Variants in RSBN1L observed in about 807,000 individuals in gnomAD.
The protein encoded by RSBN1L is round spermatid basic protein 1 like, also known as lysine-specific demethylase RSBN1L.
RSBN1L carries 30 observed loss-of-function variants against 67.7 expected under a neutral mutation model. That is an observed-to-expected ratio of 0.44 (90% CI 0.33 to 0.60). The LOEUF is 0.60. Ranked by LOEUF, RSBN1L falls within the 20% of genes least tolerant of loss-of-function variation. The probability of loss-of-function intolerance (pLI) is 0.02; values close to 1 mark genes in which losing one functional copy is unlikely to be tolerated. For missense variants in RSBN1L, 992 were observed against 1,031.7 expected (o/e 0.96, Z 0.53); for synonymous variants, 433 against 387.0 (o/e 1.12, Z -1.39).
intron 2 of RSBN1L, among the ~76,000 whole-genome samples, chr7:77,740,234 A>T (rs1401798207): frequency 6.6e-6 from 1 of 152,230 alleles, no homozygotes; most frequent in Admixed American, 6.5e-5. Context: ...CTTATTTTAT[A>T]CTAAAGTTCA....
In RSBN1L at chr7:77,706,625, G is replaced by T. The variant is rs114607588; in HGVS notation, c.586+9570G>T. 3.8e-3 allele frequency among the ~76,000 whole-genome samples: 581 copies of T among 152,294 alleles called. 2 individuals are homozygous for T. Among genetic ancestry groups the T allele is most frequent in the African/African-American group, 0.013 (557 of 41,556 alleles). On this transcript the variant is annotated intron_variant, in intron 1 of 7. Coordinates refer to ENST00000334955, the MANE Select transcript of RSBN1L (RefSeq NM_198467.3). ...ATTATTCTGGGGGGTGGGAAATTCA[G>T]TATAAATTGCTCCTCCTATGTCTAG... is the stretch of plus-strand genomic sequence containing the variant.
chr7:77,744,329 C>T (rs563514821), intron 2 of RSBN1L, among the ~76,000 whole-genome samples: 1 of 152,262 alleles, frequency 6.6e-6, no homozygotes, highest in Non-Finnish European at 1.5e-5. Context: ...AGCCACCATG[C>T]CTGGCCTACT....
At chr7:77,739,693 A>C (rs1791382028) in intron 2 of RSBN1L, among the ~76,000 whole-genome samples, 1 of 108,850 alleles carries the variant, frequency 9.2e-6, no homozygotes. Context: ...TGGGTGACAG[A>C]GCAAGACTTG....
chr7:77,771,492 G>A (rs1269149775), intron 5 of RSBN1L, among the ~76,000 whole-genome samples: 1 of 148,310 alleles, frequency 6.7e-6, no homozygotes, highest in East Asian at 2.0e-4. Flanking sequence ...TGGTAAAATT[G>A]ATGTGTTCCT....
chr7:77,705,806 A>G (rs1271898137), intron 1 of RSBN1L, among the ~76,000 whole-genome samples: 1 of 151,928 alleles, frequency 6.6e-6, no homozygotes, highest in Non-Finnish European at 1.5e-5. Flanking sequence ...CTGGCCTGTA[A>G]TGGTTCATTT....
intron 1 of RSBN1L, among the ~76,000 whole-genome samples, chr7:77,712,834 T>A (rs1329856040): frequency 6.6e-6 from 1 of 152,196 alleles, no homozygotes; most frequent in Non-Finnish European, 1.5e-5. Context: ...TGTAGGCGTT[T>A]ATTCACTTAA....
chr7:77,702,761 T>A (rs943871834), intron 1 of RSBN1L, among the ~76,000 whole-genome samples: 1 of 152,222 alleles, frequency 6.6e-6, no homozygotes, highest in African/African-American at 2.4e-5. Context: ...CATGCCATCA[T>A]GGCCAGGTTC....
Position 77,696,496 on chromosome 7 carries a change from C to A in RSBN1L, c.27C>A (p.His9Gln), listed in dbSNP as rs376400062. Residue 9 changes from histidine (H) to glutamine (Q), a missense_variant, in exon 1 of 8, where the codon CAC (histidine) becomes CAA (glutamine). His to Gln is a conservative substitution (Grantham distance 24). Coordinates refer to ENST00000334955, the MANE Select transcript of RSBN1L (RefSeq NM_198467.3). MAEPPSPVHCVAAAAPTAT... is the reference protein window; with the variant it reads MAEPPSPVQCVAAAAPTAT... ...TGGCGGAACCGCCGAGCCCCGTGCA[C>A]TGTGTCGCTGCCGCGGCCCCCACCG... The A allele has an allele frequency of 3.7e-6, 6 of 1,613,154 alleles. No homozygotes were observed. Among genetic ancestry groups the A allele is most frequent in the Non-Finnish European group, 4.2e-6 (5 of 1,179,672 alleles).
In RSBN1L at chr7:77,765,848, C is replaced by T. The variant is rs556175697; in HGVS notation, c.1482+216C>T. ...ATAATTCTTGTGTAGTGTGTACATG[C>T]GACATCTCAGGTTCTAATTGTAATG... is the stretch of plus-strand genomic sequence containing the variant. On this transcript the variant is annotated intron_variant, in intron 4 of 7. Coordinates refer to ENST00000334955, the MANE Select transcript of RSBN1L (RefSeq NM_198467.3). Among the ~76,000 whole-genome samples, 27 of 152,194 alleles carry T rather than the reference C, an allele frequency of 1.8e-4. No individual in the cohort carries two copies. In the South Asian group the frequency reaches 5.0e-3, roughly 28 times the overall value.
chr7:77,757,498 AG>A (rs1292223829), intron 3 of RSBN1L, among the ~76,000 whole-genome samples: 4 of 152,246 alleles, frequency 2.6e-5, no homozygotes, highest in Admixed American at 6.5e-5. Context: ...CTTTTCCCAA[AG>A]TTTGTAACCT....
At chr7:77,716,317 GTTTTGTTTTTGT>G (rs892698747) in intron 1 of RSBN1L, among the ~76,000 whole-genome samples, 1 of 151,684 alleles carries the variant, frequency 6.6e-6, no homozygotes, top group African/African-American at 2.4e-5. Flanking sequence ...TTTTTGTTTT[GTTTTGTTTTTGT>G]TTTTGTTTTT....
At chr7:77,705,492 G>A (rs2150411879) in intron 1 of RSBN1L, among the ~76,000 whole-genome samples, 1 of 148,788 alleles carries the variant, frequency 6.7e-6, no homozygotes, top group Non-Finnish European at 1.5e-5. Flanking sequence ...GTGACCACTA[G>A]GTCTCTCCAT....
intron 3 of RSBN1L, among the ~76,000 whole-genome samples, chr7:77,758,324 C>T (rs1046083432): frequency 2.0e-5 from 3 of 151,948 alleles, no homozygotes; most frequent in Non-Finnish European, 4.4e-5. Context: ...CCAAAGTGCT[C>T]GGCCTATTTA....
rs1791984496 is a variant in RSBN1L at position 77,780,421 on chromosome 7, T to C, written c.*1253T>C. On this transcript the variant is annotated 3_prime_UTR_variant, in exon 8 of 8. Transcript: ENST00000334955. ...TCTAACTAATAGTTACGTGGCCAGA[T>C]TACATAGCCTACCATAGATTTTTTT... 1 of 152,148 alleles carries C rather than the reference T, an allele frequency of 6.6e-6. No individual in the cohort carries two copies. The highest frequency in any genetic ancestry group is 2.1e-4 in the South Asian group (1 of 4,824). The allele number at this position is 152,148 out of a possible 1,614,324, so 9.4% of individuals were successfully genotyped here.
intron 1 of RSBN1L, among the ~76,000 whole-genome samples, chr7:77,702,957 A>G (rs1345449038): frequency 1.3e-5 from 2 of 152,156 alleles, no homozygotes; most frequent in Non-Finnish European, 2.9e-5. Context: ...TTATTTTCAG[A>G]TACAGTCACA....
At chr7:77,742,250 A>G (rs560625894) in intron 2 of RSBN1L, among the ~76,000 whole-genome samples, 56 of 151,986 alleles carry the variant, frequency 3.7e-4, no homozygotes, top group Non-Finnish European at 6.5e-4. Flanking sequence ...AAATATACAG[A>G]CACACAGTGA....
Position 77,773,154 on chromosome 7 carries a change from A to C in RSBN1L, c.1633A>C (p.Asn545His). The change falls in exon 6 of 8, where the codon AAT becomes CAT. Residue 545 changes from asparagine to histidine, a missense_variant. Transcript: ENST00000334955. The part of the protein sequence containing the change: ...KSPFKRKRTT[N>H]EIKNLQYLPR... Reference sequence around the variant, plus strand: ...TCTTTTTTTAAAAAACAGAACTACCAATGAAATAAAAAATCTTCAGTACCT... The same window carrying C: ...TCTTTTTTTAAAAAACAGAACTACCCATGAAATAAAAAATCTTCAGTACCT... 6.3e-7 allele frequency: 1 copy of C among 1,576,898 alleles called. No homozygotes were observed. The highest frequency in any genetic ancestry group is 8.6e-7 in the Non-Finnish European group (1 of 1,163,880).
chr7:77,770,900 T>A (rs1313978600), intron 5 of RSBN1L, among the ~76,000 whole-genome samples: 3 of 152,128 alleles, frequency 2.0e-5, no homozygotes, highest in African/African-American at 7.2e-5. Flanking sequence ...TGGATTGGAA[T>A]GGATGGAGAT....
intron 3 of RSBN1L, among the ~76,000 whole-genome samples, chr7:77,755,237 T>C (rs1791601565): frequency 6.6e-6 from 1 of 152,242 alleles, no homozygotes. Context: ...TTAAAGTGTT[T>C]GCTCAGGAAT....
Sources: allele counts gnomAD v4.1 joint callset (sites outside exome capture counted in the v4.1 genomes callset), GRCh38; gene constraint gnomAD v4.1.1; transcripts MANE v1.5; gene names NCBI Gene and HGNC (gene_info 2026-07-23, HGNC 2026-07-21).